The following OPCML variants were observed in gnomAD, a reference collection of about 807,000 sequenced individuals.
OPCML encodes the protein opioid binding protein/cell adhesion molecule like.
In OPCML, 13 loss-of-function variants were observed where a neutral mutation model predicts 37.8. The observed-to-expected ratio is 0.34, with a 90% CI of 0.22 to 0.55. OPCML has a LOEUF of 0.55. Ranked by LOEUF, OPCML falls within the 20% of genes least tolerant of loss-of-function variation. The pLI is 0.91. For synonymous variants in OPCML, 176 were observed against 168.8 expected, an observed-to-expected ratio of 1.04 and a Z score of -0.33; for missense variants, 341 against 435.6, an observed-to-expected ratio of 0.78 and a Z score of 1.93.
At chr11:132,912,954 G>A (rs763942098) in intron 2 of OPCML, among the ~76,000 whole-genome samples, 9 of 152,144 alleles carry the variant, frequency 5.9e-5, no homozygotes, top group Admixed American at 2.0e-4. Flanking sequence ...TGATGCTTTC[G>A]TATTTATAAT....
intron 2 of OPCML, among the ~76,000 whole-genome samples, chr11:132,712,401 G>A (rs560282575): frequency 5.9e-5 from 9 of 152,104 alleles, no homozygotes; most frequent in African/African-American, 2.2e-4. Flanking sequence ...CCCCCTCGGT[G>A]GAAGAGCTGT....
chr11:132,566,259 T>C (rs555798501), intron 3 of OPCML, among the ~76,000 whole-genome samples: 34 of 152,246 alleles, frequency 2.2e-4, no homozygotes, highest in Non-Finnish European at 3.8e-4. Context: ...ATTCAAACCA[T>C]ACTGTTGTAT....
chr11:133,167,865 C>G (rs1950233365), intron 1 of OPCML, among the ~76,000 whole-genome samples: 1 of 152,160 alleles, frequency 6.6e-6, no homozygotes, highest in Non-Finnish European at 1.5e-5. Flanking sequence ...CTTGCATTTT[C>G]TTGATGTATC....
intron 2 of OPCML, among the ~76,000 whole-genome samples, chr11:132,882,948 A>G (rs149953491): frequency 6.6e-6 from 1 of 152,308 alleles, no homozygotes; most frequent in Non-Finnish European, 1.5e-5. Context: ...GCATTCATGA[A>G]TTTGAATGCC....
In OPCML at chr11:133,206,689, C is replaced by T. The variant is rs1289737055; in HGVS notation, c.62-263679G>A. On this transcript the variant is annotated intron_variant, in intron 1 of 7. Coordinates refer to ENST00000524381, the MANE Select transcript of OPCML (RefSeq NM_001012393.5). This position sits in a 1 kb window ranked among gnomAD's most constrained non-coding sequence, Gnocchi z 4.7. The stretch of plus-strand genomic sequence containing the variant: ...TGTGCTCTCCTGCTCGATGAAGCTT[C>T]TATCTGTGTATCCTGGTGTGCTTGT... Among the ~76,000 whole-genome samples the T allele has an allele frequency of 6.6e-6, 1 of 152,216 alleles. No individual in the cohort carries two copies. Among genetic ancestry groups the T allele is most frequent in the Non-Finnish European group, 1.5e-5 (1 of 68,040 alleles).
At chr11:133,529,977 C>T (rs996564035) in intron 1 of OPCML, among the ~76,000 whole-genome samples, 4 of 152,120 alleles carry the variant, frequency 2.6e-5, no homozygotes, top group Non-Finnish European at 4.4e-5. Flanking sequence ...TTGTTCTTAC[C>T]GGGCTCCTGA....
chr11:133,458,483 C>T (rs565970210), intron 1 of OPCML, among the ~76,000 whole-genome samples: 1 of 126,076 alleles, frequency 7.9e-6, no homozygotes, highest in East Asian at 2.3e-4. Context: ...TGTGTATATA[C>T]ACATATATAC....
intron 1 of OPCML, among the ~76,000 whole-genome samples, chr11:133,443,825 G>A (rs1294412839): frequency 6.6e-6 from 1 of 152,070 alleles, no homozygotes; most frequent in African/African-American, 2.4e-5. Context: ...CAGGGCTTTA[G>A]GGACTGGATA....
At chr11:133,238,578 C>T (rs1940610618) in intron 1 of OPCML, among the ~76,000 whole-genome samples, 2 of 152,274 alleles carry the variant, frequency 1.3e-5, no homozygotes, top group Non-Finnish European at 2.9e-5. Flanking sequence ...GTTGGCTTGG[C>T]TTGTGCTCCA....
intron 2 of OPCML, among the ~76,000 whole-genome samples, chr11:132,924,004 C>A (rs1565968373): frequency 6.6e-6 from 1 of 151,666 alleles, no homozygotes; most frequent in African/African-American, 2.4e-5. Flanking sequence ...CTCAGGTGAT[C>A]CGCCCGCCTC....
chr11:133,221,431 G>A (rs541947773), intron 1 of OPCML, among the ~76,000 whole-genome samples: 25 of 152,294 alleles, frequency 1.6e-4, no homozygotes, highest in African/African-American at 3.8e-4. Flanking sequence ...CTTTCGTAAC[G>A]TGGAGCTAAC....
At chr11:133,457,275 G>A (rs186823592) in intron 1 of OPCML, among the ~76,000 whole-genome samples, 168 of 152,262 alleles carry the variant, frequency 1.1e-3, no homozygotes, top group African/African-American at 3.7e-3. Context: ...GCTTATCACC[G>A]TAATTCTAGC....
chr11:133,019,315 G>A (rs1028750834), intron 1 of OPCML, among the ~76,000 whole-genome samples: 3 of 152,194 alleles, frequency 2.0e-5, no homozygotes, highest in Admixed American at 1.3e-4. Flanking sequence ...GTACCTGAGT[G>A]ATGTTTGGGT....
chr11:133,332,521 G>A lies in OPCML; in HGVS notation c.61+199743C>T, dbSNP rs182716250. 2.5e-3 allele frequency among the ~76,000 whole-genome samples: 385 copies of A among 152,216 alleles called. 2 individuals are homozygous for A. The highest frequency in any genetic ancestry group is 8.3e-3 in the African/African-American group (346 of 41,550). ...AGAGAGGGCATTCTTGTCTTGTAAT[G>A]GTTTTCAAGGGCAATGCTTCCAGCT... On this transcript the variant is annotated intron_variant, in intron 1 of 7. Coordinates refer to ENST00000524381, the MANE Select transcript of OPCML (RefSeq NM_001012393.5).
At chr11:132,989,747 G>A (rs1946742055) in intron 1 of OPCML, among the ~76,000 whole-genome samples, 2 of 151,958 alleles carry the variant, frequency 1.3e-5, no homozygotes, top group African/African-American at 4.8e-5. Flanking sequence ...TGTATCATGG[G>A]CCACTGGTTA....
At chr11:132,949,450 T>C (rs1945813094) in intron 1 of OPCML, among the ~76,000 whole-genome samples, 1 of 152,134 alleles carries the variant, frequency 6.6e-6, no homozygotes, top group Admixed American at 6.5e-5. Flanking sequence ...GCAACTTCTG[T>C]TCAGAACCTA....
intron 3 of OPCML, among the ~76,000 whole-genome samples, chr11:132,541,770 T>G (rs1591527447): frequency 1.3e-5 from 2 of 151,966 alleles, no homozygotes; most frequent in African/African-American, 4.8e-5. Flanking sequence ...GAACCCAAGG[T>G]TTCAGCTACA....
intron 4 of OPCML, among the ~76,000 whole-genome samples, chr11:132,483,822 T>A (rs2096189646): frequency 6.6e-6 from 1 of 151,676 alleles, no homozygotes; most frequent in Non-Finnish European, 1.5e-5. Flanking sequence ...GGGGAAAGGA[T>A]TCCCTATTTA....
chr11:133,106,286 C>T (rs1003285067), intron 1 of OPCML, among the ~76,000 whole-genome samples: 2 of 152,188 alleles, frequency 1.3e-5, no homozygotes, highest in African/African-American at 2.4e-5. Context: ...CGTATGCTCA[C>T]GCTGTCCATT....
Sources: allele counts gnomAD v4.1 joint callset (sites outside exome capture counted in the v4.1 genomes callset), GRCh38; gene constraint gnomAD v4.1.1; non-coding constraint Gnocchi (gnomAD v3.1); transcripts MANE v1.5; gene names NCBI Gene and HGNC (gene_info 2026-07-23, HGNC 2026-07-21).